The following BACH2 variants were observed in gnomAD, a reference collection of about 807,000 sequenced individuals.
BACH2 encodes the protein BACH transcriptional regulator 2.
BACH2 carries 5 observed loss-of-function variants against 61.8 expected under a neutral mutation model. That is an observed-to-expected ratio of 0.08 (90% CI 0.04 to 0.17). The LOEUF (loss-of-function observed/expected upper bound fraction) is 0.17, where lower values mean the gene tolerates loss of function less well. Ranked by LOEUF, BACH2 falls within the 10% of genes least tolerant of loss-of-function variation. BACH2 has a pLI of 1.00. For synonymous variants in BACH2, 446 were observed against 440.1 expected (o/e 1.01, Z -0.17); for missense variants, 824 against 1,091.1 (o/e 0.76, Z 3.45).
At chr6:90,025,520 G>A (rs530191317) in intron 5 of BACH2, among the ~76,000 whole-genome samples, 2 of 152,260 alleles carry the variant, frequency 1.3e-5, no homozygotes, top group African/African-American at 4.8e-5. Context: ...TTAGGAGTTA[G>A]AGGACAGAGA....
intron 2 of BACH2, among the ~76,000 whole-genome samples, chr6:90,268,243 T>C (rs764521131): frequency 6.6e-6 from 1 of 152,172 alleles, no homozygotes; most frequent in Non-Finnish European, 1.5e-5. Flanking sequence ...TGATCTCAAG[T>C]GATCTGCCTG....
chr6:90,072,715 C>T (rs960955260), intron 5 of BACH2, among the ~76,000 whole-genome samples: 1 of 152,160 alleles, frequency 6.6e-6, no homozygotes, highest in African/African-American at 2.4e-5. Context: ...AAGAAAAACA[C>T]CTTTCACAAA....
intron 3 of BACH2, among the ~76,000 whole-genome samples, chr6:90,221,412 T>C (rs570420085): frequency 6.9e-4 from 105 of 152,338 alleles, no homozygotes; most frequent in Admixed American, 1.2e-3. Flanking sequence ...ATGGTTAAGA[T>C]GATCAAGGTC....
At chr6:90,092,086 G>A (rs1782181141) in intron 4 of BACH2, among the ~76,000 whole-genome samples, 1 of 151,248 alleles carries the variant, frequency 6.6e-6, no homozygotes, top group Non-Finnish European at 1.5e-5. Context: ...ACTGCTTCAG[G>A]GGAAATACAA....
rs529665171 is a variant in BACH2 at position 89,976,312 on chromosome 6, G to A, written c.244-24450C>T. Among the ~76,000 whole-genome samples the A allele has an allele frequency of 1.9e-4, 29 of 152,318 alleles. No homozygotes were observed. The South Asian group carries it at 4.8e-3, about 25-fold the overall frequency. On this transcript the variant is annotated intron_variant, in intron 6 of 8. Transcript: ENST00000257749. ...GCGTAAAAATGCAGGCACATTAGCC[G>A]CAGGCAAGCTCCCGCTTGCCTTCTA...
intron 1 of BACH2, among the ~76,000 whole-genome samples, chr6:90,280,499 T>G (rs1468803634): frequency 6.6e-6 from 1 of 152,204 alleles, no homozygotes; most frequent in Non-Finnish European, 1.5e-5. Context: ...CCATATGAAC[T>G]GATAATTTTC....
intron 2 of BACH2, among the ~76,000 whole-genome samples, chr6:90,264,100 C>CAGGA (rs996343052): frequency 6.6e-6 from 1 of 152,194 alleles, no homozygotes; most frequent in African/African-American, 2.4e-5. Context: ...AGGAACCAAA[C>CAGGA]AGGAGTTCTA....
At chr6:90,245,588 C>A (rs1770607240) in intron 3 of BACH2, among the ~76,000 whole-genome samples, 1 of 152,094 alleles carries the variant, frequency 6.6e-6, no homozygotes, top group Non-Finnish European at 1.5e-5. Flanking sequence ...AATTTAAAAA[C>A]AAAAGAGTAA....
At chr6:90,295,955 C>T (rs563354907) in intron 1 of BACH2, among the ~76,000 whole-genome samples, 1 of 152,110 alleles carries the variant, frequency 6.6e-6, no homozygotes, top group African/African-American at 2.4e-5. Flanking sequence ...GGCCAAGGTC[C>T]TCGCGGAGCA....
At chr6:90,255,899 G>A (rs1464216048) in intron 2 of BACH2, among the ~76,000 whole-genome samples, 1 of 152,192 alleles carries the variant, frequency 6.6e-6, no homozygotes, top group Non-Finnish European at 1.5e-5. Context: ...CCCAAAACCA[G>A]CAACACACAG....
intron 4 of BACH2, among the ~76,000 whole-genome samples, chr6:90,137,954 G>C (rs1009009820): frequency 2.0e-5 from 3 of 151,970 alleles, no homozygotes; most frequent in African/African-American, 7.3e-5. Flanking sequence ...TTGGGACTCT[G>C]GGTTTGCAAC....
rs552150154 is a variant in BACH2, at chr6:90,028,761, A to T, written c.-12-19905T>A. Among the ~76,000 whole-genome samples the T allele has an allele frequency of 1.6e-4, 25 of 152,162 alleles. No individual in the cohort carries two copies. In the South Asian group the frequency reaches 4.6e-3, roughly 28 times the overall value. ...AGGCAAGGTAGTGCAGTGGTTGTGG[A>T]TGGAGGCTCTGGTGCCAGCCTACCT... On this transcript the variant is annotated intron_variant, in intron 5 of 8. Coordinates refer to ENST00000257749, the MANE Select transcript of BACH2 (RefSeq NM_021813.4).
At chr6:89,996,395 T>C (rs1776850300) in intron 6 of BACH2, among the ~76,000 whole-genome samples, 1 of 152,244 alleles carries the variant, frequency 6.6e-6, no homozygotes, top group African/African-American at 2.4e-5. Context: ...AACTGTTTTT[T>C]ATTATGTCAC....
intron 4 of BACH2, among the ~76,000 whole-genome samples, chr6:90,092,291 A>AAAAAAAAAAAAATATATAT: frequency 1.8e-5 from 2 of 113,818 alleles, no homozygotes; most frequent in African/African-American, 3.6e-5. Flanking sequence ...AAAAAAAAAA[A>AAAAAAAAAAAAATATATAT]ATATATATAT....
chr6:90,294,402 A>G (rs1772272770), intron 1 of BACH2, among the ~76,000 whole-genome samples: 3 of 152,180 alleles, frequency 2.0e-5, no homozygotes, highest in Non-Finnish European at 4.4e-5. Flanking sequence ...TCAGGTTTCG[A>G]GAGTAAAAAA....
At chr6:90,254,607 A>G (rs933192778) in intron 2 of BACH2, among the ~76,000 whole-genome samples, 2 of 151,958 alleles carry the variant, frequency 1.3e-5, no homozygotes, top group African/African-American at 4.8e-5. Flanking sequence ...TAGCTTATAC[A>G]TAGTATCTAT....
chr6:89,981,779 T>G (rs191577260), intron 6 of BACH2, among the ~76,000 whole-genome samples: 78 of 152,286 alleles, frequency 5.1e-4, no homozygotes, highest in African/African-American at 1.8e-3. Context: ...CTTTGAGCCT[T>G]TCTTGTAAGG....
At chr6:90,256,686 A>G (rs12194530) in intron 2 of BACH2, among the ~76,000 whole-genome samples, 7,801 of 152,310 alleles carry the variant, frequency 0.051, 251 homozygotes, top group Admixed American at 0.093. Flanking sequence ...GGCTTAATAT[A>G]GATAGTAAAA....
intron 1 of BACH2, among the ~76,000 whole-genome samples, chr6:90,286,044 TAAAC>T (rs1258193722): frequency 6.6e-6 from 1 of 152,200 alleles, no homozygotes; most frequent in Non-Finnish European, 1.5e-5. Context: ...ATCATGGTAA[TAAAC>T]AACTCACTCT....
Sources: allele counts gnomAD v4.1 joint callset (sites outside exome capture counted in the v4.1 genomes callset), GRCh38; gene constraint gnomAD v4.1.1; transcripts MANE v1.5; gene names NCBI Gene and HGNC (gene_info 2026-07-23, HGNC 2026-07-21).